The following PANK4 variants were observed in gnomAD, a reference collection of about 807,000 sequenced individuals.
PANK4 encodes the protein pantothenate kinase 4 (inactive).
A neutral mutation model predicts 87.9 loss-of-function variants in PANK4; 40 were observed. The ratio of observed to expected loss-of-function variants is 0.46; its 90% confidence interval spans 0.35 to 0.59. The LOEUF (loss-of-function observed/expected upper bound fraction) is 0.59, where lower values mean the gene tolerates loss of function less well. Ranked by LOEUF, PANK4 falls within the 20% of genes least tolerant of loss-of-function variation. PANK4 has a pLI of 0.00. For synonymous variants in PANK4, 524 were observed against 467.4 expected (o/e 1.12, Z -1.56); for missense variants, 926 against 1,072.3 (o/e 0.86, Z 1.90).
At position 2,511,668 on chromosome 1, in the gene PANK4, G is replaced by A. The variant is rs763196618; in HGVS notation, c.1743C>T (p.Asp581=). 1.9e-6 allele frequency: 3 copies of A among 1,608,870 alleles called. No individual in the cohort carries two copies. Among genetic ancestry groups the A allele is most frequent in the Non-Finnish European group, 1.7e-6 (2 of 1,175,566 alleles). The change falls in exon 14 of 19, where the codon GAC becomes GAT. Residue 581 remains aspartate, a synonymous_variant. Coordinates refer to ENST00000378466, the MANE Select transcript of PANK4 (RefSeq NM_018216.4). Reference sequence around the variant, plus strand: ...TTGCTTCTTCAAACCCAAAGTAGGGGTCGGATTCAAGGACACTGCATGGAG... The same window carrying A: ...TTGCTTCTTCAAACCCAAAGTAGGGATCGGATTCAAGGACACTGCATGGAG... ...AKAVSAVLES[D]PYFGFEEAKR...
At position 2,511,821 on chromosome 1, in the gene PANK4, G is replaced by C. The variant is rs1046858234; in HGVS notation, c.1728-138C>G. On this transcript the variant is annotated intron_variant, in intron 13 of 18. Coordinates refer to ENST00000378466, the MANE Select transcript of PANK4 (RefSeq NM_018216.4). ...ATGTAAAGATCCCAAATCCCTCCCA[G>C]GTGGGACAGGGGCAGCTGCTCAACG... is the stretch of plus-strand genomic sequence containing the variant. 14 of 662,480 alleles carry C rather than the reference G, an allele frequency of 2.1e-5. No individual in the cohort carries two copies. In the South Asian group the frequency reaches 2.3e-4, roughly 11 times the overall value. 41.0% of individuals were successfully genotyped at this position (662,480 alleles called of 1,614,324 possible).
At position 2,508,681 on chromosome 1, in the gene PANK4, A is replaced by G. The variant is rs1197489685; in HGVS notation, c.*166T>C. 4 of 578,738 alleles carry G rather than the reference A, an allele frequency of 6.9e-6. No homozygotes were observed. The highest frequency in any genetic ancestry group is 1.9e-5 in the African/African-American group (1 of 53,478). The allele number at this position is 578,738 out of a possible 1,614,324, so 35.9% of individuals were successfully genotyped here. A position where few individuals can be genotyped will look rare whatever the true frequency, so the allele number is the denominator to read the frequency against. ...TTCCAATATGAACGTCTCCCAGGAC[A>G]AAGCTGCGTCTCGCCTCTGGGTCAC... is the stretch of plus-strand genomic sequence containing the variant. On this transcript the variant is annotated 3_prime_UTR_variant, in exon 19 of 19. Transcript: ENST00000378466. This position sits in a 1 kb window ranked among gnomAD's most constrained non-coding sequence, Gnocchi z 5.1.
chr1:2,525,911 G>A lies in PANK4; in HGVS notation c.124+553C>T, dbSNP rs888298010. ...TCACGCCCGGCGTCCACTCTCCAGA[G>A]AGCGGGGCCTGTGCACGGACTGTCC... On this transcript the variant is annotated intron_variant, in intron 1 of 18. Coordinates refer to ENST00000378466, the MANE Select transcript of PANK4 (RefSeq NM_018216.4). 2.6e-5 allele frequency: 4 copies of A among 152,020 alleles called. No homozygotes were observed. The South Asian group carries it at 6.2e-4, about 24-fold the overall frequency. The allele number at this position is 152,020 out of a possible 1,614,324, so 9.4% of individuals were successfully genotyped here. A position where few individuals can be genotyped will look rare whatever the true frequency, so the allele number is the denominator to read the frequency against.
At position 2,510,275 on chromosome 1, in the gene PANK4, C is replaced by A; in HGVS notation, c.1939-118G>T. 1.4e-6 allele frequency: 1 copy of A among 708,974 alleles called. No homozygotes were observed. 43.9% of individuals were successfully genotyped at this position (708,974 alleles called of 1,614,324 possible). A position where few individuals can be genotyped will look rare whatever the true frequency, so the allele number is the denominator to read the frequency against. ...AGGGTGCTGTGCCCAGCGGGCCTGGCCAGCCACCTGCTGCTGAGGAGCAGG... is the reference window on the plus strand; with the variant it reads ...AGGGTGCTGTGCCCAGCGGGCCTGGACAGCCACCTGCTGCTGAGGAGCAGG... On this transcript the variant is annotated intron_variant, in intron 16 of 18. Coordinates refer to ENST00000378466, the MANE Select transcript of PANK4 (RefSeq NM_018216.4). The surrounding 1 kb of genome is among the most constrained non-coding windows in gnomAD (Gnocchi z 4.9).
intron 11 of PANK4, 50 bp downstream of exon 11, chr1:2,514,304 G>A (rs1570536603): frequency 7.2e-7 from 1 of 1,392,612 alleles, no homozygotes; most frequent in African/African-American, 1.4e-5. Context: ...GAGGTGCAGG[G>A]GCCCTCTGGA....
Position 2,518,340 on chromosome 1 carries a change from G to A in PANK4, c.1118-76C>T, listed in dbSNP as rs578176163. The A allele has an allele frequency of 1.9e-5, 21 of 1,091,710 alleles. 1 individual carries two copies. In the South Asian group the frequency reaches 2.2e-4, roughly 11 times the overall value. The allele number at this position is 1,091,710 out of a possible 1,614,324, so 67.6% of individuals were successfully genotyped here. ...AAGCAGGAGAGTGGAGGAGGAAAGG[G>A]TATAAAATCGCTTATTAACTAAATT... On this transcript the variant is annotated intron_variant, in intron 8 of 18. Transcript: ENST00000378466.
At chr1:2,524,814 C>T (rs968707373) in intron 1 of PANK4, among the ~76,000 whole-genome samples, 4 of 152,218 alleles carry the variant, frequency 2.6e-5, no homozygotes, top group Non-Finnish European at 5.9e-5. Context: ...GGCAGCAGAA[C>T]CTTGCAGAGC....
chr1:2,518,664 C>T, intron 7 of PANK4, 67 bp from the exon 8 acceptor site: 4 of 1,337,508 alleles, frequency 3.0e-6, no homozygotes, highest in Non-Finnish European at 4.2e-6. Context: ...CGCAAACCAG[C>T]TCAACGTGCG....
chr1:2,510,898 C>A lies in PANK4; in HGVS notation c.1834-116G>T. 1 of 674,210 alleles carries A rather than the reference C, an allele frequency of 1.5e-6. No homozygotes were observed. Among genetic ancestry groups the A allele is most frequent in the Non-Finnish European group, 2.7e-6 (1 of 376,364 alleles). 41.8% of individuals were successfully genotyped at this position (674,210 alleles called of 1,614,324 possible). A position where few individuals can be genotyped will look rare whatever the true frequency, so the allele number is the denominator to read the frequency against. Reference sequence around the variant, plus strand: ...GGGCCGAGACTGGGGGCTTCAGGGCCCCAGAGATGCCAGGGATGGGCTGTC... The same window carrying A: ...GGGCCGAGACTGGGGGCTTCAGGGCACCAGAGATGCCAGGGATGGGCTGTC... On this transcript the variant is annotated intron_variant, in intron 15 of 18. Coordinates refer to ENST00000378466, the MANE Select transcript of PANK4 (RefSeq NM_018216.4). This position sits in a 1 kb window ranked among gnomAD's most constrained non-coding sequence, Gnocchi z 4.9.
At chr1:2,511,573 G>T in intron 14 of PANK4, 55 bp downstream of exon 14, 1 of 1,287,756 alleles carries the variant, frequency 7.8e-7, no homozygotes, top group Non-Finnish European at 1.1e-6. Flanking sequence ...TGCAGAGAAC[G>T]TCCAGGCATG....
Position 2,510,821 on chromosome 1 carries a change from G to T in PANK4, c.1834-39C>A, listed in dbSNP as rs374270910. The T allele has an allele frequency of 8.3e-7, 1 of 1,209,704 alleles. No individual in the cohort carries two copies. The highest frequency in any genetic ancestry group is 1.5e-5 in the African/African-American group (1 of 67,256). 74.9% of individuals were successfully genotyped at this position (1,209,704 alleles called of 1,614,324 possible). A position where few individuals can be genotyped will look rare whatever the true frequency, so the allele number is the denominator to read the frequency against. ...CCAGGACGTTCAGTTGGGAACAGGC[G>T]CATCCAAGCGAGTCAGTCCGCACCC... is the stretch of plus-strand genomic sequence containing the variant. On this transcript the variant is annotated intron_variant, in intron 15 of 18. Transcript: ENST00000378466. This position sits in a 1 kb window ranked among gnomAD's most constrained non-coding sequence, Gnocchi z 4.9.
In PANK4 at chr1:2,510,835, C is replaced by T; in HGVS notation, c.1834-53G>A. 2.0e-6 allele frequency: 2 copies of T among 1,024,704 alleles called. No individual in the cohort carries two copies. The highest frequency in any genetic ancestry group is 3.1e-6 in the Non-Finnish European group (2 of 644,596). The allele number at this position is 1,024,704 out of a possible 1,614,324, so 63.5% of individuals were successfully genotyped here. A position where few individuals can be genotyped will look rare whatever the true frequency, so the allele number is the denominator to read the frequency against. ...TGGGAACAGGCGCATCCAAGCGAGT[C>T]AGTCCGCACCCCTGCTGCCCGTCAC... is the stretch of plus-strand genomic sequence containing the variant. On this transcript the variant is annotated intron_variant, in intron 15 of 18. Coordinates refer to ENST00000378466, the MANE Select transcript of PANK4 (RefSeq NM_018216.4). The surrounding 1 kb of genome is among the most constrained non-coding windows in gnomAD (Gnocchi z 4.9).
intron 13 of PANK4, chr1:2,512,507 A>C: frequency 4.9e-6 from 1 of 204,250 alleles, no homozygotes; most frequent in Non-Finnish European, 9.9e-6. Context: ...AGGCCAGTCT[A>C]GGGGACTGCT....
In PANK4 at chr1:2,509,728, A is replaced by T. The variant is rs1325733124; in HGVS notation, c.2108+134T>A. 1 of 749,472 alleles carries T rather than the reference A, an allele frequency of 1.3e-6. No homozygotes were observed. Among genetic ancestry groups the T allele is most frequent in the Non-Finnish European group, 2.3e-6 (1 of 431,936 alleles). The allele number at this position is 749,472 out of a possible 1,614,324, so 46.4% of individuals were successfully genotyped here. On this transcript the variant is annotated intron_variant, in intron 18 of 18. Transcript: ENST00000378466. This position sits in a 1 kb window ranked among gnomAD's most constrained non-coding sequence, Gnocchi z 4.9. ...GCATATCTGTCCCCTCCTGAGATCA[A>T]TCCGGGCCTGGGGTCAGGAGAGGCC...
Position 2,514,713 on chromosome 1 carries a change from G to A in PANK4, c.1375-247C>T, listed in dbSNP as rs377158286. On this transcript the variant is annotated intron_variant, in intron 10 of 18. Transcript: ENST00000378466. ...GGTCAGGGCCTGCTGTGGGGGACTC[G>A]GGCAGGGTGGGGGCTGCCTGGGCTG... Among the ~76,000 whole-genome samples, 184 of 149,074 alleles carry A rather than the reference G, an allele frequency of 1.2e-3. 1 individual carries two copies. Among genetic ancestry groups the A allele is most frequent in the African/African-American group, 4.4e-3 (173 of 39,758 alleles).
intron 9 of PANK4, among the ~76,000 whole-genome samples, chr1:2,516,631 G>C (rs1369574895): frequency 6.6e-6 from 1 of 152,202 alleles, no homozygotes; most frequent in African/African-American, 2.4e-5. Context: ...TGGGGCTGGA[G>C]AAGCAGCCTC....
intron 1 of PANK4, among the ~76,000 whole-genome samples, chr1:2,522,534 T>G (rs964065159): frequency 6.6e-6 from 1 of 151,956 alleles, no homozygotes; most frequent in African/African-American, 2.4e-5. Context: ...CAGGGAAAAG[T>G]GAAAAGATTC....
Position 2,511,701 on chromosome 1 carries a change from A to G in PANK4, c.1728-18T>C. 6.5e-7 allele frequency: 1 copy of G among 1,543,754 alleles called. No homozygotes were observed. The highest frequency in any genetic ancestry group is 9.0e-7 in the Non-Finnish European group (1 of 1,116,702). On this transcript the variant is annotated intron_variant, in intron 13 of 18. Transcript: ENST00000378466. The stretch of plus-strand genomic sequence containing the variant: ...CAAGGACACTGCATGGAGGAGGAGA[A>G]AAGAAAATTAAGACAACAGAACAAA...
At chr1:2,511,232 G>C in intron 15 of PANK4, 106 bp downstream of exon 15, 1 of 759,168 alleles carries the variant, frequency 1.3e-6, no homozygotes, top group Non-Finnish European at 2.4e-6. Context: ...ACTCTAACAG[G>C]AGGGGAGGGC....
Sources: gnomAD v4.1 joint callset for allele counts (sites outside exome capture counted in the v4.1 genomes callset) on GRCh38, gnomAD v4.1.1 for gene constraint, Gnocchi (gnomAD v3.1) non-coding constraint, MANE v1.5 for transcripts, NCBI Gene and HGNC (gene_info 2026-07-23, HGNC 2026-07-21) for gene names.